ANKRD44: variants seen among roughly 807,000 people sequenced by gnomAD.
ANKRD44 encodes ankyrin repeat domain 44.
A neutral mutation model predicts 116.0 loss-of-function variants in ANKRD44; 35 were observed. The observed-to-expected ratio is 0.30, with a 90% confidence interval of 0.23 to 0.40. ANKRD44 has a LOEUF of 0.40. Ranked by LOEUF, ANKRD44 falls within the 10% of genes least tolerant of loss-of-function variation. The probability of loss-of-function intolerance (pLI) is 1.00; values close to 1 mark genes in which losing one functional copy is unlikely to be tolerated. For synonymous variants in ANKRD44, 435 were observed against 461.8 expected, an observed-to-expected ratio of 0.94 and a Z score of 0.74; for missense variants, 1,014 against 1,242.6, an observed-to-expected ratio of 0.82 and a Z score of 2.77.
chr2:197,005,597 G>A (rs1170973210), intron 21 of ANKRD44, 97 bp downstream of exon 21: 14 of 1,115,976 alleles, frequency 1.3e-5, no homozygotes, highest in Non-Finnish European at 1.8e-5. Context: ...TAGAAACCAT[G>A]GTTTGCAGAA....
At chr2:197,012,082 C>A (rs1252160250) in intron 18 of ANKRD44, among the ~76,000 whole-genome samples, 1 of 152,166 alleles carries the variant, frequency 6.6e-6, no homozygotes, top group Non-Finnish European at 1.5e-5. Context: ...ATTGGCCTCT[C>A]AAAAAAGTTG....
At chr2:197,191,354 A>G (rs2080817815) in intron 1 of ANKRD44, among the ~76,000 whole-genome samples, 1 of 152,180 alleles carries the variant, frequency 6.6e-6, no homozygotes, top group South Asian at 2.1e-4. Context: ...CAAGCTGATG[A>G]CACTTGACCC....
chr2:197,153,838 T>C (rs565457832), intron 2 of ANKRD44, among the ~76,000 whole-genome samples: 2 of 152,114 alleles, frequency 1.3e-5, no homozygotes, highest in Admixed American at 6.5e-5. Flanking sequence ...TGTGTGTTTG[T>C]GTGTATAAGA....
intron 17 of ANKRD44, among the ~76,000 whole-genome samples, chr2:197,016,581 C>T (rs752938911): frequency 6.6e-6 from 1 of 152,190 alleles, no homozygotes; most frequent in African/African-American, 2.4e-5. Flanking sequence ...CTATTCTCCC[C>T]ATTTCCAAAC....
rs117637265 is a variant in ANKRD44, at chr2:197,106,170, G to A, written c.985+4596C>T. On this transcript the variant is annotated intron_variant, in intron 9 of 27. Transcript: ENST00000282272. ...AAAATATAGATAACTGGCCAGGCAC[G>A]GTGACTCACGCCTGTAATCCCAGCA... Among the ~76,000 whole-genome samples the A allele has an allele frequency of 1.1e-4, 16 of 152,200 alleles. No individual in the cohort carries two copies. The East Asian group carries it at 1.9e-3, about 18-fold the overall frequency.
intron 1 of ANKRD44, among the ~76,000 whole-genome samples, chr2:197,300,217 T>A (rs372378097): frequency 2.6e-5 from 4 of 152,240 alleles, no homozygotes; most frequent in Non-Finnish European, 4.4e-5. Context: ...TGTGTTAATA[T>A]GCAAACACCT....
At chr2:197,071,990 C>T (rs2077568125) in intron 16 of ANKRD44, among the ~76,000 whole-genome samples, 1 of 151,500 alleles carries the variant, frequency 6.6e-6, no homozygotes, top group Non-Finnish European at 1.5e-5. Flanking sequence ...TCCTGCTCTG[C>T]TCAGGCTTCC....
intron 16 of ANKRD44, among the ~76,000 whole-genome samples, chr2:197,035,729 G>C (rs1399911765): frequency 6.6e-6 from 1 of 151,718 alleles, no homozygotes; most frequent in East Asian, 1.9e-4. Context: ...CAACCTCAGG[G>C]CCACTTCTGT....
At chr2:197,267,217 C>T (rs2082764762) in intron 1 of ANKRD44, among the ~76,000 whole-genome samples, 2 of 152,194 alleles carry the variant, frequency 1.3e-5, no homozygotes. Flanking sequence ...GACTAAGGGT[C>T]GCCATCATGC....
At chr2:197,211,903 G>T in intron 1 of ANKRD44, among the ~76,000 whole-genome samples, 1 of 152,020 alleles carries the variant, frequency 6.6e-6, no homozygotes, top group Admixed American at 6.6e-5. Flanking sequence ...AGAGCCAAAG[G>T]AACACAAGCA....
intron 23 of ANKRD44, among the ~76,000 whole-genome samples, chr2:196,999,405 A>C (rs1296469819): frequency 6.6e-6 from 1 of 152,164 alleles, no homozygotes. Context: ...TTAAATAAAA[A>C]TTTTAAAAAC....
chr2:197,063,086 A>C (rs559368200), intron 16 of ANKRD44, among the ~76,000 whole-genome samples: 2 of 152,130 alleles, frequency 1.3e-5, no homozygotes, highest in Non-Finnish European at 2.9e-5. Flanking sequence ...GCCGACTGAC[A>C]CCTCATGCGC....
intron 1 of ANKRD44, among the ~76,000 whole-genome samples, chr2:197,279,214 T>C (rs754548870): frequency 4.6e-5 from 7 of 152,120 alleles, no homozygotes; most frequent in Non-Finnish European, 7.4e-5. Context: ...CATTTCCCTC[T>C]CCTAACTAAT....
intron 1 of ANKRD44, among the ~76,000 whole-genome samples, chr2:197,194,534 TTCCTG>T (rs2080900986): frequency 6.6e-6 from 1 of 152,182 alleles, no homozygotes; most frequent in Non-Finnish European, 1.5e-5. Flanking sequence ...GAACTTAGTT[TTCCTG>T]ATTCTCGCAG....
At chr2:197,190,030 T>A (rs2080785182) in intron 1 of ANKRD44, among the ~76,000 whole-genome samples, 1 of 151,482 alleles carries the variant, frequency 6.6e-6, no homozygotes. Flanking sequence ...CAGCAGGGAG[T>A]GGTGCCTCTG....
At chr2:197,168,783 C>CATGT (rs1045116195) in intron 2 of ANKRD44, among the ~76,000 whole-genome samples, 1 of 152,154 alleles carries the variant, frequency 6.6e-6, no homozygotes, top group Non-Finnish European at 1.5e-5. Flanking sequence ...CAGCTCTCCC[C>CATGT]ATGTAGAGGT....
intron 4 of ANKRD44, among the ~76,000 whole-genome samples, chr2:197,131,346 C>T (rs2079091410): frequency 6.6e-6 from 1 of 151,866 alleles, no homozygotes. Context: ...CGCCCGCTAC[C>T]ACGCCCGGCT....
Position 197,063,767 on chromosome 2 carries a change from G to C in ANKRD44, c.1650+14936C>G, listed in dbSNP as rs956209172. 4.6e-5 allele frequency among the ~76,000 whole-genome samples: 7 copies of C among 152,292 alleles called. No individual in the cohort carries two copies. The South Asian group carries it at 1.2e-3, about 27-fold the overall frequency. ...AAGTTTAGAGAAAAAAGAGTAAAAA[G>C]AAACGAACAAAGCCTCCAAGAAATA... On this transcript the variant is annotated intron_variant, in intron 16 of 27. Transcript: ENST00000282272.
At chr2:197,064,366 A>T (rs936250447) in intron 16 of ANKRD44, among the ~76,000 whole-genome samples, 1 of 152,252 alleles carries the variant, frequency 6.6e-6, no homozygotes, top group East Asian at 1.9e-4. Context: ...TGTAAAGACC[A>T]TCAATGCTAG....
Sources: allele counts gnomAD v4.1 joint callset (sites outside exome capture counted in the v4.1 genomes callset), GRCh38; gene constraint gnomAD v4.1.1; transcripts MANE v1.5; gene names NCBI Gene and HGNC (gene_info 2026-07-23, HGNC 2026-07-21).